The following TRHDE variants were observed in gnomAD, a reference collection of about 807,000 sequenced individuals.
TRHDE encodes the protein thyrotropin-releasing hormone-degrading ectoenzyme.
Under a neutral mutation model 125.7 loss-of-function variants are expected in TRHDE, and 72 were observed. The observed-to-expected ratio is 0.57, with a 90% CI of 0.47 to 0.70. The LOEUF (loss-of-function observed/expected upper bound fraction) is 0.70. Ranked by LOEUF, TRHDE falls within the 30% of genes least tolerant of loss-of-function variation. The pLI is 0.00. For synonymous variants in TRHDE, 509 were observed against 509.1 expected, an observed-to-expected ratio of 1.00 and a Z score of 0.00; for missense variants, 1,110 against 1,327.1, an observed-to-expected ratio of 0.84 and a Z score of 2.54.
In TRHDE at chr12:72,235,312, T is replaced by A. The variant is rs180803349; in HGVS notation, n.279+129560T>A. On this transcript the variant is annotated intron_variant and non_coding_transcript_variant, in intron 2 of 4. Transcript: ENST00000548156. ...TGTACCGGCACTGTTCTAAGAACTT[T>A]AAAAATATTAACTGCATGACATAGA... 2.8e-3 allele frequency among the ~76,000 whole-genome samples: 422 copies of A among 152,286 alleles called. 1 individual carries two copies. Among genetic ancestry groups the A allele is most frequent in the African/African-American group, 9.7e-3 (403 of 41,564 alleles).
intron 2 of TRHDE, among the ~76,000 whole-genome samples, chr12:72,202,176 G>C (rs891246083): frequency 6.6e-6 from 1 of 152,086 alleles, no homozygotes; most frequent in African/African-American, 2.4e-5. Context: ...GATGTGCCTG[G>C]GTTCTTGTTT....
At chr12:72,377,882 T>C (rs1871962418) in intron 2 of TRHDE, 113 bp from the exon 3 acceptor site, 1 of 728,784 alleles carries the variant, frequency 1.4e-6, no homozygotes, top group Admixed American at 3.6e-5. Context: ...TGAACGAGAA[T>C]CCTGTTTAAG....
chr12:72,331,507 A>C (rs1869597011), intron 2 of TRHDE, among the ~76,000 whole-genome samples: 1 of 150,354 alleles, frequency 6.7e-6, no homozygotes, highest in African/African-American at 2.4e-5. Context: ...GGAGCTGCTC[A>C]CTTGTCACTT....
intron 2 of TRHDE, among the ~76,000 whole-genome samples, chr12:72,298,198 T>C (rs768859872): frequency 1.6e-4 from 25 of 152,218 alleles, no homozygotes; most frequent in Middle Eastern, 3.2e-3. Flanking sequence ...GTTTGGTCAG[T>C]GTATCCATGA....
chr12:72,509,363 C>G (rs1337051447), intron 6 of TRHDE, among the ~76,000 whole-genome samples: 1 of 152,026 alleles, frequency 6.6e-6, no homozygotes, highest in Non-Finnish European at 1.5e-5. Flanking sequence ...TCCCCAGGTA[C>G]TTATAGACCC....
intron 2 of TRHDE, among the ~76,000 whole-genome samples, chr12:72,360,996 T>A (rs181880745): frequency 0.01 from 1,575 of 150,126 alleles, 29 homozygotes; most frequent in African/African-American, 0.035. Context: ...TATCCCCACC[T>A]CAGGCCCCAG....
chr12:72,520,767 C>T (rs564618808), intron 6 of TRHDE, among the ~76,000 whole-genome samples: 11 of 152,270 alleles, frequency 7.2e-5, no homozygotes, highest in African/African-American at 1.4e-4. Flanking sequence ...GCTCTGGGTT[C>T]GATCTAAGTC....
intron 2 of TRHDE, among the ~76,000 whole-genome samples, chr12:72,294,162 C>T (rs1412395028): frequency 6.6e-6 from 1 of 152,222 alleles, no homozygotes; most frequent in East Asian, 1.9e-4. Context: ...TTCTTTCCTT[C>T]TCTTTTCCCA....
intron 3 of TRHDE, among the ~76,000 whole-genome samples, chr12:72,432,908 C>A (rs1874559436): frequency 6.6e-6 from 1 of 152,112 alleles, no homozygotes; most frequent in Non-Finnish European, 1.5e-5. Context: ...TAGGGGAAAG[C>A]ATTTCGTCTC....
chr12:72,237,942 C>T (rs1354880421), intron 2 of TRHDE, among the ~76,000 whole-genome samples: 1 of 151,828 alleles, frequency 6.6e-6, no homozygotes. Context: ...CTGGCTGGTA[C>T]AAAGTCCAGC....
At chr12:72,101,302 G>A (rs879862610) in intron 1 of TRHDE, among the ~76,000 whole-genome samples, 1 of 152,188 alleles carries the variant, frequency 6.6e-6, no homozygotes, top group Non-Finnish European at 1.5e-5. Context: ...TATAGGTGGG[G>A]TGATTATATT....
intron 2 of TRHDE, among the ~76,000 whole-genome samples, chr12:72,371,805 G>C (rs1440279027): frequency 1.3e-5 from 2 of 152,076 alleles, no homozygotes; most frequent in Non-Finnish European, 2.9e-5. Context: ...TGGACATTTG[G>C]GTTGGTTCCA....
intron 2 of TRHDE, among the ~76,000 whole-genome samples, chr12:72,291,018 C>T (rs138435142): frequency 2.2e-4 from 33 of 152,280 alleles, no homozygotes; most frequent in South Asian, 1.9e-3. Flanking sequence ...TTAACACAGT[C>T]GGCTCTCTGC....
intron 2 of TRHDE, among the ~76,000 whole-genome samples, chr12:72,138,139 G>C (rs1017661182): frequency 6.6e-6 from 1 of 152,184 alleles, no homozygotes; most frequent in Non-Finnish European, 1.5e-5. Flanking sequence ...CACTTTGGGA[G>C]ACCGAGGTGG....
At chr12:72,644,216 A>G (rs1372970852) in intron 15 of TRHDE, among the ~76,000 whole-genome samples, 1 of 152,226 alleles carries the variant, frequency 6.6e-6, no homozygotes, top group Non-Finnish European at 1.5e-5. Context: ...CACATTTATC[A>G]GAATCTCTAC....
In TRHDE at chr12:72,585,974, G is replaced by A. The variant is rs141310341; in HGVS notation, c.2321+10432G>A. Reference sequence around the variant, plus strand: ...TTATTGCTTTAAGTTGTCTCATTACGATCTTTTCCCACCTCAGAACAAAGA... The same window carrying A: ...TTATTGCTTTAAGTTGTCTCATTACAATCTTTTCCCACCTCAGAACAAAGA... On this transcript the variant is annotated intron_variant, in intron 12 of 18. Coordinates refer to ENST00000261180, the MANE Select transcript of TRHDE (RefSeq NM_013381.3). Among the ~76,000 whole-genome samples, 48 of 152,162 alleles carry A rather than the reference G, an allele frequency of 3.2e-4. 1 individual carries two copies. The East Asian group carries it at 7.9e-3, about 25-fold the overall frequency.
At chr12:72,444,451 A>AT (rs372745817) in intron 3 of TRHDE, among the ~76,000 whole-genome samples, 21 of 150,964 alleles carry the variant, frequency 1.4e-4, no homozygotes, top group Non-Finnish European at 2.5e-4. Flanking sequence ...CATACCCAAC[A>AT]TTTTTTTTTG....
chr12:72,534,523 A>C (rs931740549), intron 6 of TRHDE, among the ~76,000 whole-genome samples: 4 of 152,104 alleles, frequency 2.6e-5, no homozygotes, highest in Admixed American at 2.6e-4. Flanking sequence ...GAATTTCTTG[A>C]CAGGGGAGAT....
intron 3 of TRHDE, among the ~76,000 whole-genome samples, chr12:72,435,754 T>C (rs988360698): frequency 2.0e-5 from 3 of 151,660 alleles, no homozygotes; most frequent in African/African-American, 7.3e-5. Flanking sequence ...AATGTAAGAA[T>C]TTATTATTAT....
Sources: gnomAD v4.1 joint callset for allele counts (sites outside exome capture counted in the v4.1 genomes callset) on GRCh38, gnomAD v4.1.1 for gene constraint, MANE v1.5 for transcripts, NCBI Gene and HGNC (gene_info 2026-07-23, HGNC 2026-07-21) for gene names.